Variants in CBL observed in about 807,000 individuals in gnomAD.
CBL encodes the protein E3 ubiquitin-protein ligase CBL.
In CBL, 45 loss-of-function variants were observed where a neutral mutation model predicts 96.9. That is an observed-to-expected ratio of 0.46 (90% CI 0.37 to 0.60). CBL has a LOEUF of 0.60. Among genes scored for constraint, CBL ranks in the 20% least tolerant of loss-of-function variants. The pLI, the probability that CBL is intolerant of heterozygous loss-of-function variation, is 0.00. For synonymous variants in CBL, 420 were observed against 426.8 expected, an observed-to-expected ratio of 0.98 and a Z score of 0.20; for missense variants, 1,024 against 1,143.5, an observed-to-expected ratio of 0.90 and a Z score of 1.51.
Position 119,305,785 on chromosome 11 carries a change from T to G in CBL, c.*6004T>G, listed in dbSNP as rs920086805. The G allele has an allele frequency of 8.3e-5, 19 of 229,240 alleles. No homozygotes were observed. The highest frequency in any genetic ancestry group is 4.0e-4 in the African/African-American group (18 of 45,204). 14.2% of individuals were successfully genotyped at this position (229,240 alleles called of 1,614,324 possible). ...TTTTTTTTAAAACTATGCTTTTGCTTGCCTAAATCTTTTGATCTTATATTT... is the reference window on the plus strand; with the variant it reads ...TTTTTTTTAAAACTATGCTTTTGCTGGCCTAAATCTTTTGATCTTATATTT... On this transcript the variant is annotated 3_prime_UTR_variant, in exon 16 of 16. Coordinates refer to ENST00000264033, the MANE Select transcript of CBL (RefSeq NM_005188.4).
intron 2 of CBL, among the ~76,000 whole-genome samples, chr11:119,247,735 C>T (rs1391483493): frequency 1.3e-5 from 2 of 152,128 alleles, no homozygotes; most frequent in South Asian, 4.1e-4. Context: ...TGCTTGAAAC[C>T]CGGCAGGCAG....
rs772648286 is a variant in CBL, at chr11:119,275,993, A to G, written c.870-4A>G. 6.2e-7 allele frequency: 1 copy of G among 1,614,114 alleles called. No homozygotes were observed. Among genetic ancestry groups the G allele is most frequent in the Non-Finnish European group, 8.5e-7 (1 of 1,179,954 alleles). ...CTAAAGCTTCTGTTTATGTCTGTTC[A>G]TAGTTATATCTTCCGGCTGAGCTGT... is the stretch of plus-strand genomic sequence containing the variant. On this transcript the variant is annotated splice_polypyrimidine_tract_variant and splice_region_variant and intron_variant, in intron 5 of 15. Transcript: ENST00000264033.
chr11:119,278,844 A>G, intron 9 of CBL, 131 bp downstream of exon 9: 1 of 762,114 alleles, frequency 1.3e-6, no homozygotes, highest in South Asian at 1.5e-5. Context: ...CATTTACTAT[A>G]TGACAGATAT....
At chr11:119,243,887 C>T (rs565918297) in intron 2 of CBL, among the ~76,000 whole-genome samples, 4 of 151,974 alleles carry the variant, frequency 2.6e-5, no homozygotes, top group Non-Finnish European at 5.9e-5. Context: ...TACCACCATG[C>T]CTGGCTCGTT....
chr11:119,274,790 A>G (rs1351444994), intron 4 of CBL, 42 bp from the exon 5 acceptor site: 2 of 1,588,406 alleles, frequency 1.3e-6, no homozygotes, highest in South Asian at 1.1e-5. Flanking sequence ...AGTTGGTTGT[A>G]CATCTGACCT....
chr11:119,294,386 G>A (rs1226655227), intron 12 of CBL, among the ~76,000 whole-genome samples: 3 of 150,868 alleles, frequency 2.0e-5, no homozygotes, highest in Admixed American at 2.0e-4. Flanking sequence ...CCAAGATCAC[G>A]CCATTGCACT....
intron 14 of CBL, among the ~76,000 whole-genome samples, 178 bp from the exon 15 acceptor site, chr11:119,298,180 G>A (rs917550148): frequency 2.0e-5 from 3 of 152,232 alleles, no homozygotes; most frequent in Non-Finnish European, 4.4e-5. Context: ...TGTTGGTGCA[G>A]ATTTTATTTT....
chr11:119,277,237 T>TTGCA (rs1555229973), intron 6 of CBL, among the ~76,000 whole-genome samples: 1 of 57,882 alleles, frequency 1.7e-5, no homozygotes, highest in Non-Finnish European at 3.2e-5. Context: ...TAAGAATCTG[T>TTGCA]CGCGCACACA....
chr11:119,232,399 T>C, intron 1 of CBL, 49 bp from the exon 2 acceptor site: 3 of 1,603,398 alleles, frequency 1.9e-6, no homozygotes, highest in Non-Finnish European at 2.6e-6. Context: ...AAAAGGGAGC[T>C]GTCCTTAAAA....
intron 12 of CBL, 113 bp downstream of exon 12, chr11:119,288,059 C>T: frequency 1.4e-6 from 1 of 728,568 alleles, no homozygotes; most frequent in Non-Finnish European, 2.4e-6. Flanking sequence ...AAAATCTCTG[C>T]ACCATGTAGA....
At chr11:119,266,955 G>A (rs1949807134) in intron 2 of CBL, among the ~76,000 whole-genome samples, 1 of 152,184 alleles carries the variant, frequency 6.6e-6, no homozygotes, top group Admixed American at 6.5e-5. Flanking sequence ...TGTGAGTTAA[G>A]GTAACTGCTG....
intron 2 of CBL, among the ~76,000 whole-genome samples, chr11:119,257,805 G>A (rs1949722403): frequency 6.6e-6 from 1 of 152,130 alleles, no homozygotes; most frequent in Admixed American, 6.5e-5. Context: ...TAAATAGGGT[G>A]TGTCCTTTCC....
intron 2 of CBL, among the ~76,000 whole-genome samples, chr11:119,238,191 A>T (rs1949559266): frequency 6.6e-6 from 1 of 150,502 alleles, no homozygotes; most frequent in Non-Finnish European, 1.5e-5. Flanking sequence ...GCATGAATTT[A>T]GAATCAGCCT....
At chr11:119,271,974 G>A in intron 3 of CBL, 93 bp downstream of exon 3, 1 of 1,255,032 alleles carries the variant, frequency 8.0e-7, no homozygotes, top group Non-Finnish European at 1.1e-6. Flanking sequence ...TAAAATTTGG[G>A]AACTCTGAGA....
intron 2 of CBL, among the ~76,000 whole-genome samples, chr11:119,256,314 G>C (rs1256175666): frequency 1.3e-5 from 2 of 151,582 alleles, no homozygotes; most frequent in African/African-American, 4.8e-5. Context: ...CGAGTAGCTG[G>C]GATTACAGGC....
intron 1 of CBL, among the ~76,000 whole-genome samples, chr11:119,213,372 C>G (rs1478174495): frequency 2.0e-5 from 3 of 152,158 alleles, no homozygotes; most frequent in Non-Finnish European, 4.4e-5. Context: ...TAGGAGATTA[C>G]ATTATAAATG....
At chr11:119,261,449 ATTTGATTAGATTCTATTAGTGC>A (rs1949753210) in intron 2 of CBL, among the ~76,000 whole-genome samples, 1 of 152,178 alleles carries the variant, frequency 6.6e-6, no homozygotes, top group Admixed American at 6.5e-5. Context: ...CTTTCTACAT[ATTTGATTAGATTCTATTAGTGC>A]TGTCTCAGTA....
chr11:119,299,640 G>C lies in CBL; in HGVS notation c.2580G>C (p.Glu860Asp). 1 of 1,614,210 alleles carries C rather than the reference G, an allele frequency of 6.2e-7. No homozygotes were observed. Among genetic ancestry groups the C allele is most frequent in the Non-Finnish European group, 8.5e-7 (1 of 1,180,036 alleles). ...AATASPQLSS[E>D]IENLMSQGYS... ...CCGCCTCACCTCAGCTCTCCAGTGA[G>C]ATCGAGAACCTCATGAGTCAGGGGT... is the stretch of plus-strand genomic sequence containing the variant. The change falls in exon 16 of 16, where the codon GAG becomes GAC. Residue 860 changes from glutamate (E) to aspartate (D), a missense_variant. This residue lies in a region of CBL where 695 missense variants were observed against 661.6 expected (regional missense o/e 1.05). Coordinates refer to ENST00000264033, the MANE Select transcript of CBL (RefSeq NM_005188.4).
At chr11:119,288,207 C>T (rs1949999183) in intron 12 of CBL, among the ~76,000 whole-genome samples, 1 of 152,150 alleles carries the variant, frequency 6.6e-6, no homozygotes, top group South Asian at 2.1e-4. Flanking sequence ...CCATCTGTTT[C>T]ATTGCTCTGC....
Sources: allele counts gnomAD v4.1 joint callset (sites outside exome capture counted in the v4.1 genomes callset), GRCh38; gene constraint gnomAD v4.1.1; regional missense constraint gnomAD v4.1.1; transcripts MANE v1.5; gene names NCBI Gene and HGNC (gene_info 2026-07-23, HGNC 2026-07-21).